Variants in OSBPL1A observed in about 807,000 individuals in gnomAD.
The protein encoded by OSBPL1A is oxysterol binding protein like 1A, also known as oxysterol-binding protein-related protein 1.
Under a neutral mutation model 137.1 loss-of-function variants are expected in OSBPL1A, and 80 were observed. That is an observed-to-expected ratio of 0.58 (90% CI 0.49 to 0.70). The LOEUF (loss-of-function observed/expected upper bound fraction) is 0.70, where lower values mean the gene tolerates loss of function less well. Among genes scored for constraint, OSBPL1A ranks in the 30% least tolerant of loss-of-function variants. The pLI is 0.00. For missense variants in OSBPL1A, 970 were observed against 1,129.4 expected (o/e 0.86, Z 2.02); for synonymous variants, 365 against 389.7 (o/e 0.94, Z 0.75).
At chr18:24,303,863 G>C (rs754258130) in intron 13 of OSBPL1A, 145 bp from the exon 14 acceptor site, 11 of 597,728 alleles carry the variant, frequency 1.8e-5, no homozygotes, top group Non-Finnish European at 2.6e-5. Flanking sequence ...AAAAAGGTGA[G>C]AGAAAATTTC....
rs1198902359 is a variant in OSBPL1A at position 24,174,603 on chromosome 18, T to G, written c.2094-2120A>C. Reference sequence around the variant, plus strand: ...ACTCAACCTGTATGAGATTTCTAGCTCCTCCACATCCTTGTCAGCACTTGG... The same window carrying G: ...ACTCAACCTGTATGAGATTTCTAGCGCCTCCACATCCTTGTCAGCACTTGG... On this transcript the variant is annotated intron_variant, in intron 21 of 27. Coordinates refer to ENST00000319481, the MANE Select transcript of OSBPL1A (RefSeq NM_080597.4). Among the ~76,000 whole-genome samples the G allele has an allele frequency of 2.0e-5, 3 of 152,316 alleles. No individual in the cohort carries two copies. The East Asian group carries it at 5.8e-4, about 29-fold the overall frequency.
chr18:24,216,742 T>G (rs2087713385), intron 17 of OSBPL1A, among the ~76,000 whole-genome samples: 1 of 152,180 alleles, frequency 6.6e-6, no homozygotes, highest in South Asian at 2.1e-4. Flanking sequence ...TGTTTTTGTT[T>G]AGGGTTCATC....
At chr18:24,274,132 G>A (rs1012627278) in intron 15 of OSBPL1A, among the ~76,000 whole-genome samples, 1 of 151,636 alleles carries the variant, frequency 6.6e-6, no homozygotes, top group Non-Finnish European at 1.5e-5. Context: ...TACTCAGGAG[G>A]CTGAGGCAGG....
intron 7 of OSBPL1A, among the ~76,000 whole-genome samples, chr18:24,319,824 T>C (rs2090809980): frequency 6.6e-6 from 1 of 152,078 alleles, no homozygotes; most frequent in South Asian, 2.1e-4. Flanking sequence ...TGGAACTGTT[T>C]ATGCAGGAAG....
chr18:24,347,885 T>C (rs1262520357), intron 4 of OSBPL1A: 1 of 146,036 alleles, frequency 6.8e-6, no homozygotes, highest in Non-Finnish European at 1.5e-5. Context: ...ATTGAACTCC[T>C]AGAGACTACA....
intron 1 of OSBPL1A, among the ~76,000 whole-genome samples, chr18:24,386,057 GCTC>G (rs1408085598): frequency 6.6e-6 from 1 of 152,096 alleles, no homozygotes; most frequent in Non-Finnish European, 1.5e-5. Flanking sequence ...CAGGGGGAGA[GCTC>G]CTATCTGATG....
At chr18:24,320,985 G>A (rs2090838588) in intron 7 of OSBPL1A, among the ~76,000 whole-genome samples, 2 of 142,890 alleles carry the variant, frequency 1.4e-5, no homozygotes, top group Admixed American at 7.2e-5. Context: ...CTGAGATCGC[G>A]CCATTGCACT....
At chr18:24,165,030 A>G (rs1418016432) in intron 27 of OSBPL1A, 35 bp downstream of exon 27, 1 of 1,607,586 alleles carries the variant, frequency 6.2e-7, no homozygotes, top group Non-Finnish European at 8.5e-7. Context: ...AGCCTGCCTG[A>G]GGGCTCAGCC....
Position 24,303,690 on chromosome 18 carries a change from T to C in OSBPL1A, c.1121A>G (p.Asp374Gly). Residue 374 changes from aspartate (D) to glycine (G), a missense_variant, in exon 14 of 28, where the codon GAT becomes GGT. Around this residue, in one of 2 missense-constraint regions of OSBPL1A, gnomAD observed 647 missense variants for 672.6 expected, o/e 0.96. Coordinates refer to ENST00000319481, the MANE Select transcript of OSBPL1A (RefSeq NM_080597.4). The stretch of plus-strand genomic sequence containing the variant: ...TTTGAGAAAGTTGGAAATTTCCCTA[T>C]CTAGTCGCTGTTGGCATGACTGTGC... ...EKAQSCQQRL[D>G]REISNFLKMI... The C allele has an allele frequency of 6.2e-7, 1 of 1,613,632 alleles. No individual in the cohort carries two copies. The highest frequency in any genetic ancestry group is 8.5e-7 in the Non-Finnish European group (1 of 1,179,756).
Position 24,382,299 on chromosome 18 carries a change from C to G in OSBPL1A, c.-2-4764G>C, listed in dbSNP as rs543700239. 8.2e-3 allele frequency among the ~76,000 whole-genome samples: 1,207 copies of G among 147,080 alleles called. 8 individuals are homozygous for G. The highest frequency in any genetic ancestry group is 0.013 in the Non-Finnish European group (843 of 67,202). On this transcript the variant is annotated intron_variant, in intron 1 of 27. Transcript: ENST00000319481. ...GCAGGCGCCTGTAGTCCCAGCTACT[C>G]AGGAGTCTGAGGCAGGAGAAGGGCG...
chr18:24,275,402 A>C (rs1180409521), intron 15 of OSBPL1A, among the ~76,000 whole-genome samples: 1 of 152,200 alleles, frequency 6.6e-6, no homozygotes, highest in Non-Finnish European at 1.5e-5. Flanking sequence ...TAACAAAGGA[A>C]TTCTGCTCAG....
intron 15 of OSBPL1A, among the ~76,000 whole-genome samples, chr18:24,279,273 T>C (rs1122911): frequency 0.11 from 12,211 of 106,716 alleles, 1,716 homozygotes; most frequent in African/African-American, 0.36. Flanking sequence ...AAAAAAAAAA[T>C]CAAAAATTAG....
At chr18:24,352,664 T>C (rs1046546164) in intron 4 of OSBPL1A, among the ~76,000 whole-genome samples, 9 of 152,140 alleles carry the variant, frequency 5.9e-5, no homozygotes, top group Non-Finnish European at 1.3e-4. Flanking sequence ...GACTTCAAAC[T>C]ATACTACAAG....
At chr18:24,338,737 G>A (rs1446339050) in intron 5 of OSBPL1A, among the ~76,000 whole-genome samples, 17 of 151,654 alleles carry the variant, frequency 1.1e-4, no homozygotes, top group Non-Finnish European at 1.5e-5. Flanking sequence ...TTTTTGAGAC[G>A]GAGTCTCACT....
chr18:24,333,965 C>G (rs2091128307), intron 6 of OSBPL1A, among the ~76,000 whole-genome samples: 1 of 152,034 alleles, frequency 6.6e-6, no homozygotes, highest in Admixed American at 6.6e-5. Context: ...TAACTATTTA[C>G]CATGAAAAAT....
chr18:24,210,624 T>A (rs1397476245), intron 17 of OSBPL1A, among the ~76,000 whole-genome samples: 1 of 151,220 alleles, frequency 6.6e-6, no homozygotes, highest in Non-Finnish European at 1.5e-5. Context: ...AGCCTTGACC[T>A]CCCAGGCTCA....
In OSBPL1A at chr18:24,289,106, G is replaced by A. The variant is rs141692214; in HGVS notation, c.1175-8158C>T. On this transcript the variant is annotated intron_variant, in intron 14 of 27. Coordinates refer to ENST00000319481, the MANE Select transcript of OSBPL1A (RefSeq NM_080597.4). ...TTTAGGGATGAAGAACAGAAAGAAT[G>A]AGGACAAGAAAAGAGAAGGAAAAGA... 4.5e-4 allele frequency among the ~76,000 whole-genome samples: 68 copies of A among 152,228 alleles called. No individual in the cohort carries two copies. The East Asian group carries it at 0.012, about 26-fold the overall frequency.
intron 17 of OSBPL1A, among the ~76,000 whole-genome samples, chr18:24,207,357 T>A (rs1320212905): frequency 2.6e-5 from 4 of 152,250 alleles, no homozygotes; most frequent in Non-Finnish European, 5.9e-5. Flanking sequence ...GTGTTGGGAT[T>A]ACAGGCGTAA....
At chr18:24,369,307 G>A (rs1211918041) in intron 2 of OSBPL1A, among the ~76,000 whole-genome samples, 2 of 152,196 alleles carry the variant, frequency 1.3e-5, no homozygotes, top group African/African-American at 4.8e-5. Flanking sequence ...ACAACTGAGT[G>A]TTGCAAAAAC....
Sources: gnomAD v4.1 joint callset for allele counts (sites outside exome capture counted in the v4.1 genomes callset) on GRCh38, gnomAD v4.1.1 for gene constraint, gnomAD v4.1.1 regional missense constraint, MANE v1.5 for transcripts, NCBI Gene and HGNC (gene_info 2026-07-23, HGNC 2026-07-21) for gene names.